Variants in ZNRF1 observed in about 807,000 individuals in gnomAD.
ZNRF1 encodes E3 ubiquitin-protein ligase ZNRF1.
ZNRF1 carries 3 observed loss-of-function variants against 18.4 expected under a neutral mutation model. That is an observed-to-expected ratio of 0.16 (90% confidence interval 0.07 to 0.42). The LOEUF is 0.42. Among genes scored for constraint, ZNRF1 ranks in the 10% least tolerant of loss-of-function variants. The pLI, the probability that ZNRF1 is intolerant of heterozygous loss-of-function variation, is 0.99. For synonymous variants in ZNRF1, 157 were observed against 144.2 expected, an observed-to-expected ratio of 1.09 and a Z score of -0.64; for missense variants, 310 against 329.8, an observed-to-expected ratio of 0.94 and a Z score of 0.47.
chr16:75,031,108 T>G (rs1296646352), intron 1 of ZNRF1, among the ~76,000 whole-genome samples: 1 of 151,270 alleles, frequency 6.6e-6, no homozygotes, highest in East Asian at 1.9e-4. Context: ...AGTGCTAGGA[T>G]TACAGGCGTG....
chr16:75,089,558 C>T (rs549305471), intron 1 of ZNRF1, among the ~76,000 whole-genome samples: 2 of 152,288 alleles, frequency 1.3e-5, no homozygotes, highest in East Asian at 1.9e-4. Context: ...CAACATGCCT[C>T]GTTCTTAAAA....
At position 75,050,722 on chromosome 16, in the gene ZNRF1, T is replaced by C. The variant is rs528382247; in HGVS notation, c.425-42850T>C. 2.0e-5 allele frequency among the ~76,000 whole-genome samples: 3 copies of C among 149,124 alleles called. No homozygotes were observed. In the East Asian group the frequency reaches 6.0e-4, roughly 30 times the overall value. On this transcript the variant is annotated intron_variant, in intron 1 of 4. Transcript: ENST00000335325. ...TCTCTACTAAAAAAATACAGAAAAA[T>C]TAGCTGGGCATGGTGGCAGGCGCCT...
intron 1 of ZNRF1, among the ~76,000 whole-genome samples, chr16:75,087,303 T>C (rs2145416410): frequency 6.6e-6 from 1 of 152,314 alleles, no homozygotes; most frequent in Middle Eastern, 3.4e-3. Flanking sequence ...TACCCTGATG[T>C]TGTGAGTGTC....
intron 1 of ZNRF1, among the ~76,000 whole-genome samples, chr16:75,054,581 C>T (rs1159365716): frequency 6.6e-6 from 1 of 152,234 alleles, no homozygotes; most frequent in Non-Finnish European, 1.5e-5. Flanking sequence ...TGGTCTGTGT[C>T]AGGTGCCTTT....
intron 1 of ZNRF1, among the ~76,000 whole-genome samples, chr16:75,051,598 A>G (rs552757969): frequency 2.8e-5 from 4 of 143,528 alleles, no homozygotes; most frequent in African/African-American, 5.2e-5. Flanking sequence ...GCTCACTGCA[A>G]TCTCTACCTC....
chr16:75,051,443 A>C (rs2035602738), intron 1 of ZNRF1, among the ~76,000 whole-genome samples: 1 of 151,972 alleles, frequency 6.6e-6, no homozygotes, highest in Admixed American at 6.6e-5. Flanking sequence ...TCCTGACCTC[A>C]AGTGATCTGC....
chr16:75,096,719 A>G (rs1292566557), intron 2 of ZNRF1, among the ~76,000 whole-genome samples: 2 of 152,188 alleles, frequency 1.3e-5, no homozygotes, highest in African/African-American at 2.4e-5. Context: ...TATAAGATGA[A>G]ATTTAGTTAA....
intron 1 of ZNRF1, among the ~76,000 whole-genome samples, chr16:75,071,460 A>G (rs1035411092): frequency 6.6e-6 from 1 of 152,118 alleles, no homozygotes; most frequent in South Asian, 2.1e-4. Context: ...AGGGCCGTCA[A>G]TCCAAATGCT....
At chr16:75,080,220 T>C (rs2035992997) in intron 1 of ZNRF1, among the ~76,000 whole-genome samples, 2 of 152,134 alleles carry the variant, frequency 1.3e-5, no homozygotes, top group Non-Finnish European at 2.9e-5. Flanking sequence ...CTGGCTGAGC[T>C]GATGGTTTTG....
chr16:75,086,969 G>T (rs2036082224), intron 1 of ZNRF1, among the ~76,000 whole-genome samples: 1 of 152,130 alleles, frequency 6.6e-6, no homozygotes, highest in Admixed American at 6.5e-5. Flanking sequence ...GAGGGCTGGG[G>T]AGGGAAACTG....
chr16:75,040,799 G>A (rs1044621517), intron 1 of ZNRF1, among the ~76,000 whole-genome samples: 2 of 151,180 alleles, frequency 1.3e-5, no homozygotes, highest in Non-Finnish European at 2.9e-5. Flanking sequence ...GTAGAGATGG[G>A]GTTTCATCAC....
At chr16:75,013,309 C>G (rs1489713380) in intron 1 of ZNRF1, among the ~76,000 whole-genome samples, 3 of 152,010 alleles carry the variant, frequency 2.0e-5, no homozygotes, top group Non-Finnish European at 4.4e-5. Context: ...ATCATGAGTT[C>G]CAGCCTGGAG....
chr16:75,036,622 C>CTT (rs1437220125), intron 1 of ZNRF1, among the ~76,000 whole-genome samples: 1 of 81,138 alleles, frequency 1.2e-5, no homozygotes, highest in East Asian at 3.3e-4. Context: ...AAGAAAAGTT[C>CTT]TTATTTTTTT....
At chr16:75,036,185 C>T (rs187543134) in intron 1 of ZNRF1, among the ~76,000 whole-genome samples, 40 of 152,330 alleles carry the variant, frequency 2.6e-4, no homozygotes, top group African/African-American at 8.2e-4. Flanking sequence ...ATCCTCCTAC[C>T]TCAGCCTCCT....
At chr16:75,071,545 T>C (rs1229878263) in intron 1 of ZNRF1, among the ~76,000 whole-genome samples, 5 of 152,138 alleles carry the variant, frequency 3.3e-5, no homozygotes, top group African/African-American at 1.2e-4. Flanking sequence ...GGTCTTGAAA[T>C]AGGCAGTGGC....
intron 1 of ZNRF1, among the ~76,000 whole-genome samples, chr16:75,058,532 A>C (rs2145383863): frequency 6.6e-6 from 1 of 152,358 alleles, no homozygotes; most frequent in South Asian, 2.1e-4. Context: ...ATAAATTGTT[A>C]AAGATGGGAC....
At chr16:75,054,511 G>C (rs775822084) in intron 1 of ZNRF1, among the ~76,000 whole-genome samples, 1 of 152,224 alleles carries the variant, frequency 6.6e-6, no homozygotes, top group Non-Finnish European at 1.5e-5. Flanking sequence ...GCAGGGAAGT[G>C]GGGGAAAGCT....
At chr16:75,015,378 C>G (rs2035052624) in intron 1 of ZNRF1, among the ~76,000 whole-genome samples, 1 of 152,088 alleles carries the variant, frequency 6.6e-6, no homozygotes, top group African/African-American at 2.4e-5. Flanking sequence ...CGGTTCGAGA[C>G]CAGCTTGACC....
chr16:75,051,608 C>A (rs972207659), intron 1 of ZNRF1, among the ~76,000 whole-genome samples: 1 of 151,948 alleles, frequency 6.6e-6, no homozygotes, highest in African/African-American at 2.4e-5. Context: ...ATCTCTACCT[C>A]CCGGGTTCAA....
Sources: allele counts gnomAD v4.1 joint callset (sites outside exome capture counted in the v4.1 genomes callset), GRCh38; gene constraint gnomAD v4.1.1; transcripts MANE v1.5; gene names NCBI Gene and HGNC (gene_info 2026-07-23, HGNC 2026-07-21).